SYT1: variants seen among roughly 807,000 people sequenced by gnomAD.
The protein encoded by SYT1 is synaptotagmin 1, also known as synaptotagmin-1.
SYT1 carries 8 observed loss-of-function variants against 44.8 expected under a neutral mutation model. The ratio of observed to expected loss-of-function variants is 0.18; its 90% CI spans 0.10 to 0.32. The LOEUF is 0.32. Among genes scored for constraint, SYT1 ranks in the 10% least tolerant of loss-of-function variants. The pLI is 1.00. For synonymous variants in SYT1, 154 were observed against 188.8 expected (o/e 0.82, Z 1.51); for missense variants, 286 against 509.3 (o/e 0.56, Z 4.22).
At position 79,261,088 on chromosome 12, in the gene SYT1, A is replaced by T. The variant is rs1390926213; in HGVS notation, c.167-24699A>T. Among the ~76,000 whole-genome samples, 4 of 152,214 alleles carry T rather than the reference A, an allele frequency of 2.6e-5. No individual in the cohort carries two copies. In the East Asian group the frequency reaches 5.8e-4, roughly 22 times the overall value. ...TTCTTGGGGGTTGTAAAGGCCATTAAGTGCTCAGTAGTCTTATAAAAACAT... is the reference window on the plus strand; with the variant it reads ...TTCTTGGGGGTTGTAAAGGCCATTATGTGCTCAGTAGTCTTATAAAAACAT... On this transcript the variant is annotated intron_variant, in intron 4 of 10. Coordinates refer to ENST00000261205, the MANE Select transcript of SYT1 (RefSeq NM_005639.3).
chr12:79,046,350 C>A (rs978145935), intron 2 of SYT1: 1 of 152,146 alleles, frequency 6.6e-6, no homozygotes, highest in African/African-American at 2.4e-5. Context: ...AACAGAGTAA[C>A]ATACTTATTA....
At chr12:79,156,586 G>T (rs2138284699) in intron 3 of SYT1, among the ~76,000 whole-genome samples, 1 of 152,070 alleles carries the variant, frequency 6.6e-6, no homozygotes, top group South Asian at 2.1e-4. Context: ...TCCTGCCTCA[G>T]CTTCCCAAGT....
rs75446313 is a variant in SYT1 at position 79,281,373 on chromosome 12, C to A, written c.167-4414C>A. ...TTATAATAAAAGAACAAAATAATGT[C>A]TTTTTGCAGCAACTTGGTTAGAATT... On this transcript the variant is annotated intron_variant, in intron 4 of 10. Transcript: ENST00000261205. 4.0e-3 allele frequency among the ~76,000 whole-genome samples: 616 copies of A among 152,162 alleles called. 8 individuals carry two copies. The highest frequency in any genetic ancestry group is 0.014 in the African/African-American group (598 of 41,532).
At chr12:79,122,901 G>A (rs1445857553) in intron 3 of SYT1, among the ~76,000 whole-genome samples, 1 of 152,054 alleles carries the variant, frequency 6.6e-6, no homozygotes, top group Non-Finnish European at 1.5e-5. Context: ...TATAAATGAT[G>A]ACACCTTCTA....
intron 9 of SYT1, among the ~76,000 whole-genome samples, chr12:79,395,763 C>T (rs943790674): frequency 2.6e-5 from 4 of 151,614 alleles, no homozygotes; most frequent in Admixed American, 1.3e-4. Flanking sequence ...AAGCACTTTA[C>T]TTAGAGCATA....
At chr12:78,993,741 C>T (rs1870176685) in intron 2 of SYT1, among the ~76,000 whole-genome samples, 1 of 152,034 alleles carries the variant, frequency 6.6e-6, no homozygotes, top group Non-Finnish European at 1.5e-5. Context: ...TTCATATAGC[C>T]CAATCTAATA....
chr12:79,176,620 G>A (rs1431160812), intron 3 of SYT1, among the ~76,000 whole-genome samples: 1 of 151,938 alleles, frequency 6.6e-6, no homozygotes, highest in Non-Finnish European at 1.5e-5. Context: ...TTGTTGTTGA[G>A]TTCTATATTT....
chr12:78,885,742 T>C (rs1357604522), intron 1 of SYT1, among the ~76,000 whole-genome samples: 1 of 152,092 alleles, frequency 6.6e-6, no homozygotes, highest in East Asian at 2.0e-4. Context: ...ACTATGGTTT[T>C]TATTTGGAAT....
chr12:79,078,008 T>G (rs1876773280), intron 3 of SYT1, among the ~76,000 whole-genome samples: 1 of 152,208 alleles, frequency 6.6e-6, no homozygotes, highest in African/African-American at 2.4e-5. Flanking sequence ...AGAGGCAATT[T>G]TGTAAAACTA....
At chr12:79,367,850 GA>G (rs925617653) in intron 9 of SYT1, among the ~76,000 whole-genome samples, 3 of 148,594 alleles carry the variant, frequency 2.0e-5, no homozygotes, top group African/African-American at 2.5e-5. Context: ...TAAGAAATGT[GA>G]AAAAAAAATA....
intron 8 of SYT1, among the ~76,000 whole-genome samples, chr12:79,317,138 G>T (rs1233727034): frequency 2.0e-5 from 3 of 152,146 alleles, no homozygotes; most frequent in African/African-American, 7.2e-5. Flanking sequence ...ATTGTTTACA[G>T]AACCGTTTAA....
intron 3 of SYT1, among the ~76,000 whole-genome samples, chr12:79,190,763 G>A (rs1189807165): frequency 6.6e-6 from 1 of 152,048 alleles, no homozygotes; most frequent in Admixed American, 6.6e-5. Context: ...CATTAGTTCT[G>A]TTAGCAAGGC....
chr12:78,951,181 C>T (rs746210950), intron 1 of SYT1, among the ~76,000 whole-genome samples: 60 of 152,176 alleles, frequency 3.9e-4, no homozygotes, highest in Middle Eastern at 6.8e-3. Flanking sequence ...ATAATAAATC[C>T]TTACTTGTAA....
intron 9 of SYT1, among the ~76,000 whole-genome samples, chr12:79,443,549 C>T (rs977012932): frequency 2.0e-5 from 3 of 152,156 alleles, no homozygotes; most frequent in African/African-American, 7.2e-5. Context: ...CTAACAGTGC[C>T]TGTCACATCA....
At chr12:79,264,336 C>T (rs1166847074) in intron 4 of SYT1, among the ~76,000 whole-genome samples, 10 of 152,004 alleles carry the variant, frequency 6.6e-5, no homozygotes, top group South Asian at 6.2e-4. Context: ...CCCACCACCA[C>T]ACCTGGCTAA....
At chr12:79,273,958 C>G (rs1318324178) in intron 4 of SYT1, among the ~76,000 whole-genome samples, 1 of 152,172 alleles carries the variant, frequency 6.6e-6, no homozygotes, top group Non-Finnish European at 1.5e-5. Flanking sequence ...GTGGCACGCA[C>G]TGGTAGTCCC....
At chr12:78,866,210 T>A (rs1397226639) in intron 1 of SYT1, among the ~76,000 whole-genome samples, 4 of 152,228 alleles carry the variant, frequency 2.6e-5, no homozygotes, top group Non-Finnish European at 5.9e-5. Context: ...TTTGTACTAT[T>A]TGCATTTTAT....
rs1405740549 is a variant in SYT1, at chr12:79,031,372, T to C, written c.-83-15925T>C. 2.0e-5 allele frequency among the ~76,000 whole-genome samples: 3 copies of C among 151,130 alleles called. No individual in the cohort carries two copies. The South Asian group carries it at 6.2e-4, about 31-fold the overall frequency. On this transcript the variant is annotated intron_variant, in intron 2 of 10. Coordinates refer to ENST00000261205, the MANE Select transcript of SYT1 (RefSeq NM_005639.3). ...AGGTTGTAGTAGATTGTGCCTAATG[T>C]ATTCATCAGGGCTTCCATGTTAAGT...
intron 8 of SYT1, among the ~76,000 whole-genome samples, chr12:79,342,197 A>T (rs562513127): frequency 1.3e-5 from 2 of 152,240 alleles, no homozygotes; most frequent in East Asian, 1.9e-4. Flanking sequence ...CAAGAGAGAT[A>T]GGAGACCTAC....
Sources: gnomAD v4.1 joint callset for allele counts (sites outside exome capture counted in the v4.1 genomes callset) on GRCh38, gnomAD v4.1.1 for gene constraint, MANE v1.5 for transcripts, NCBI Gene and HGNC (gene_info 2026-07-23, HGNC 2026-07-21) for gene names.